The following SRSF4 variants were observed in gnomAD, a reference collection of about 807,000 sequenced individuals.
SRSF4 encodes serine/arginine-rich splicing factor 4.
SRSF4 carries 12 observed loss-of-function variants against 48.8 expected under a neutral mutation model. The ratio of observed to expected loss-of-function variants is 0.25; its 90% CI spans 0.16 to 0.40. The LOEUF is 0.40. SRSF4 is among the 10% of genes least tolerant of loss of function. SRSF4 has a pLI of 1.00. For synonymous variants in SRSF4, 248 were observed against 232.5 expected (o/e 1.07, Z -0.61); for missense variants, 466 against 667.1 (o/e 0.70, Z 3.32).
In SRSF4 at chr1:29,148,894, C is replaced by A; in HGVS notation, c.1001G>T (p.Ser334Ile). The change falls in exon 6 of 6, where the codon AGC becomes ATC. Residue 334 changes from serine (S) to isoleucine (I), a missense_variant. This residue lies in a region of SRSF4 where 402 missense variants were observed against 437.0 expected (regional missense o/e 0.92). Transcript: ENST00000373795. ...EKSLRQSRSRSRSKGGSRSRS... is the reference protein window; with the variant it reads ...EKSLRQSRSRIRSKGGSRSRS... The stretch of plus-strand genomic sequence containing the variant: ...GCTCCTGCTGCCCCCTTTGCTCCTG[C>A]TCCGGCTCCGACTCTGGCGGAGGCT... 2.5e-6 allele frequency: 4 copies of A among 1,610,412 alleles called. No individual in the cohort carries two copies. The highest frequency in any genetic ancestry group is 3.4e-6 in the Non-Finnish European group (4 of 1,177,772).
Position 29,149,941 on chromosome 1 carries a change from T to C in SRSF4, c.668+162A>G, listed in dbSNP as rs541068593. 2.0e-5 allele frequency among the ~76,000 whole-genome samples: 3 copies of C among 151,842 alleles called. No individual in the cohort carries two copies. The East Asian group carries it at 5.8e-4, about 29-fold the overall frequency. The stretch of plus-strand genomic sequence containing the variant: ...CTACTTGGGAGGCTGAGGTGGAAGC[T>C]TGCTTGAGCCCAGTGAGGTGAGGCT... On this transcript the variant is annotated intron_variant, in intron 5 of 5. Transcript: ENST00000373795.
In SRSF4 at chr1:29,149,197, C is replaced by T. The variant is rs758539230; in HGVS notation, c.698G>A (p.Arg233Gln). The T allele has an allele frequency of 1.9e-5, 30 of 1,609,588 alleles. No individual in the cohort carries two copies. The highest frequency in any genetic ancestry group is 1.3e-4 in the Admixed American group (8 of 59,956). Residue 233 changes from arginine (R) to glutamine (Q), a missense_variant, in exon 6 of 6, where the codon CGG becomes CAG. This residue lies in a region of SRSF4 where 402 missense variants were observed against 437.0 expected (regional missense o/e 0.92). Transcript: ENST00000373795. ...CCGGCTCCGACTCTGGCTCCGGCTC[C>T]GGCTCTTGCTCCGGGAGCGGGAGCC... ...RSGSRSRSKS[R>Q]SRSQSRSRSK...
At chr1:29,160,162 TA>T in intron 2 of SRSF4, 1 of 518,994 alleles carries the variant, frequency 1.9e-6, no homozygotes, top group Non-Finnish European at 3.2e-6. Flanking sequence ...AACATATTTA[TA>T]AAGTATTATA....
At chr1:29,171,084 G>C (rs1672738836) in intron 1 of SRSF4, 1 of 152,086 alleles carries the variant, frequency 6.6e-6, no homozygotes, top group South Asian at 2.1e-4. Flanking sequence ...ACGGCCCTAG[G>C]AATGACAATA....
Position 29,148,631 on chromosome 1 carries a change from A to T in SRSF4, c.1264T>A (p.Ser422Thr). ...SKEREHAKSE[S>T]SQREGRGESE... The stretch of plus-strand genomic sequence containing the variant: ...TCTCCTCGACCTTCCCTCTGGCTGG[A>T]TTCAGACTTGGCATGTTCCCGCTCC... Residue 422 changes from serine (S) to threonine (T), a missense_variant, in exon 6 of 6, where the codon TCC becomes ACC. Ser to Thr is a moderately conservative substitution (Grantham distance 58). Coordinates refer to ENST00000373795, the MANE Select transcript of SRSF4 (RefSeq NM_005626.5). 1.9e-6 allele frequency: 3 copies of T among 1,614,074 alleles called. No individual in the cohort carries two copies. In the South Asian group the frequency reaches 3.3e-5, roughly 18 times the overall value.
intron 1 of SRSF4, among the ~76,000 whole-genome samples, chr1:29,175,314 G>C (rs956313301): frequency 6.6e-6 from 1 of 152,008 alleles, no homozygotes; most frequent in African/African-American, 2.4e-5. Context: ...TTGGGAGGCT[G>C]AGGCAGCAGA....
intron 5 of SRSF4, among the ~76,000 whole-genome samples, chr1:29,149,688 G>GAAAAA (rs35111206): frequency 4.0e-5 from 4 of 100,892 alleles, no homozygotes; most frequent in African/African-American, 1.4e-4. Context: ...CTTGAGGGGG[G>GAAAAA]AAAAAAAAAA....
chr1:29,152,209 C>G (rs763882427), intron 4 of SRSF4, among the ~76,000 whole-genome samples: 2 of 152,170 alleles, frequency 1.3e-5, no homozygotes, highest in African/African-American at 2.4e-5. Flanking sequence ...ATCATGGTTT[C>G]TTTTAAAATA....
chr1:29,155,673 A>G (rs1042836085), intron 3 of SRSF4, among the ~76,000 whole-genome samples: 1 of 152,008 alleles, frequency 6.6e-6, no homozygotes, highest in African/African-American at 2.4e-5. Context: ...TTGTGTTTTC[A>G]TTAGAGATGG....
At chr1:29,179,243 C>T (rs959140920) in intron 1 of SRSF4, among the ~76,000 whole-genome samples, 1 of 152,146 alleles carries the variant, frequency 6.6e-6, no homozygotes, top group African/African-American at 2.4e-5. Flanking sequence ...AGGCTTGATC[C>T]ATGCTAGATT....
intron 1 of SRSF4, among the ~76,000 whole-genome samples, chr1:29,177,140 T>C (rs1402506697): frequency 6.6e-6 from 1 of 152,148 alleles, no homozygotes; most frequent in Non-Finnish European, 1.5e-5. Flanking sequence ...TGGCTTATTA[T>C]AAAAAATAAA....
intron 1 of SRSF4, among the ~76,000 whole-genome samples, chr1:29,176,414 CATG>C (rs1488351383): frequency 6.6e-6 from 1 of 151,324 alleles, no homozygotes; most frequent in Non-Finnish European, 1.5e-5. Context: ...TAATCCCTCT[CATG>C]ATTAAGAATA....
At chr1:29,168,155 C>A (rs1672694799) in intron 1 of SRSF4, among the ~76,000 whole-genome samples, 1 of 151,742 alleles carries the variant, frequency 6.6e-6, no homozygotes, top group Non-Finnish European at 1.5e-5. Context: ...GCTGGGACTA[C>A]AGGTGTGCAC....
chr1:29,177,893 ATT>A (rs397979781), intron 1 of SRSF4, among the ~76,000 whole-genome samples: 2,207 of 93,416 alleles, frequency 0.024, 13 homozygotes, highest in Middle Eastern at 0.086. Context: ...ATTACACAAG[ATT>A]TTTTTTTTTT....
chr1:29,167,179 A>T (rs986587324), intron 1 of SRSF4, among the ~76,000 whole-genome samples: 3 of 151,924 alleles, frequency 2.0e-5, no homozygotes, highest in Admixed American at 6.6e-5. Flanking sequence ...CTACTAAATC[A>T]TTTTTTTGTT....
intron 3 of SRSF4, among the ~76,000 whole-genome samples, chr1:29,157,438 T>C (rs1672518017): frequency 6.6e-6 from 1 of 152,114 alleles, no homozygotes; most frequent in Admixed American, 6.5e-5. Context: ...TTTCTACCCA[T>C]GATGTTCAAT....
At position 29,148,257 on chromosome 1, in the gene SRSF4, G is replaced by T; in HGVS notation, c.*153C>A. On this transcript the variant is annotated 3_prime_UTR_variant, in exon 6 of 6. Transcript: ENST00000373795. ...AGGCCTGGTGCCAGGAGGCTTTACT[G>T]AGAGGAAGCACTTAGATTTAACAAT... 1 of 1,142,062 alleles carries T rather than the reference G, an allele frequency of 8.8e-7. No individual in the cohort carries two copies. Among genetic ancestry groups the T allele is most frequent in the Non-Finnish European group, 1.3e-6 (1 of 782,602 alleles). 70.7% of individuals were successfully genotyped at this position (1,142,062 alleles called of 1,614,324 possible). A position where few individuals can be genotyped will look rare whatever the true frequency, so the allele number is the denominator to read the frequency against.
intron 2 of SRSF4, chr1:29,159,956 GT>G: frequency 5.7e-6 from 1 of 174,842 alleles, no homozygotes; most frequent in Admixed American, 5.9e-5. Flanking sequence ...ATGGCTTCCT[GT>G]TTTTGGTCAG....
chr1:29,174,819 G>A (rs1481349067), intron 1 of SRSF4, among the ~76,000 whole-genome samples: 1 of 151,458 alleles, frequency 6.6e-6, no homozygotes, highest in East Asian at 1.9e-4. Flanking sequence ...GACTACAGGC[G>A]TGCGCCATCA....
Sources: gnomAD v4.1 joint callset for allele counts (sites outside exome capture counted in the v4.1 genomes callset) on GRCh38, gnomAD v4.1.1 for gene constraint, gnomAD v4.1.1 regional missense constraint, MANE v1.5 for transcripts, NCBI Gene and HGNC (gene_info 2026-07-23, HGNC 2026-07-21) for gene names.